PHKG2: variants seen among roughly 807,000 people sequenced by gnomAD.
PHKG2 encodes the protein phosphorylase kinase catalytic subunit gamma 2.
Under a neutral mutation model 44.5 loss-of-function variants are expected in PHKG2, and 28 were observed. The ratio of observed to expected loss-of-function variants is 0.63; its 90% CI spans 0.47 to 0.86. The LOEUF (loss-of-function observed/expected upper bound fraction) is 0.86, where lower values mean the gene tolerates loss of function less well. PHKG2 is among the 40% of genes least tolerant of loss of function. PHKG2 has a pLI of 0.00. For missense variants in PHKG2, 498 were observed against 547.5 expected, an observed-to-expected ratio of 0.91 and a Z score of 0.90; for synonymous variants, 220 against 211.2, an observed-to-expected ratio of 1.04 and a Z score of -0.36.
At chr16:30,753,650 C>T in intron 6 of PHKG2, 93 bp downstream of exon 6, 3 of 1,277,904 alleles carry the variant, frequency 2.3e-6, no homozygotes, top group South Asian at 1.3e-5. Flanking sequence ...TCCCTGGTGC[C>T]AAGAAAAAGG....
rs566701017 is a variant in PHKG2, at chr16:30,755,827, A to C, written c.557-355A>C. 5.3e-5 allele frequency among the ~76,000 whole-genome samples: 8 copies of C among 152,300 alleles called. No individual in the cohort carries two copies. The East Asian group carries it at 1.2e-3, about 22-fold the overall frequency. Reference sequence around the variant, plus strand: ...TATTATGATGTATGTAAAAATACATAATCTTTCCATATGCATTATGATATA... The same window carrying C: ...TATTATGATGTATGTAAAAATACATCATCTTTCCATATGCATTATGATATA... On this transcript the variant is annotated intron_variant, in intron 6 of 9. Transcript: ENST00000563588.
At position 30,748,903 on chromosome 16, in the gene PHKG2, A is replaced by T. The variant is rs777228104; in HGVS notation, c.83A>T (p.Asp28Val). 163 of 1,553,076 alleles carry T rather than the reference A, an allele frequency of 1.0e-4. No homozygotes were observed. The highest frequency in any genetic ancestry group is 1.4e-4 in the Non-Finnish European group (158 of 1,147,746). The change falls in exon 2 of 10, where the codon GAC (aspartate) becomes GTC (valine). Residue 28 changes from aspartate to valine, a missense_variant. Transcript: ENST00000563588. ...TTTTACCAGAAGTACGACCCTAAGG[A>T]CGTCATCGGCAGGTAAGGCCGCGGC... is the stretch of plus-strand genomic sequence containing the variant. The part of the protein sequence containing the change: ...KEFYQKYDPK[D>V]VIGRGVSSVV...
intron 2 of PHKG2, among the ~76,000 whole-genome samples, chr16:30,749,941 G>A (rs2053323101): frequency 6.6e-6 from 1 of 151,806 alleles, no homozygotes; most frequent in Admixed American, 6.6e-5. Context: ...TTTGGGCTGG[G>A]TCTTGAGGTA....
Position 30,760,978 on chromosome 16 carries a change from G to T in PHKG2, c.*3881G>T, listed in dbSNP as rs1316090255. 1.1e-5 allele frequency: 7 copies of T among 618,558 alleles called. No individual in the cohort carries two copies. The highest frequency in any genetic ancestry group is 4.3e-4 in the Middle Eastern group (1 of 2,322). 38.3% of individuals were successfully genotyped at this position (618,558 alleles called of 1,614,324 possible). On this transcript the variant is annotated 3_prime_UTR_variant, in exon 10 of 10. Transcript: ENST00000563588. ...CTGTACAATACTCCTTAGCGGCCAT[G>T]AGACTCCATTTACATTCTGTCTTTG...
chr16:30,753,555 G>C lies in PHKG2; in HGVS notation c.554G>C (p.Arg185Pro). 6.2e-7 allele frequency: 1 copy of C among 1,614,070 alleles called. No homozygotes were observed. Among genetic ancestry groups the C allele is most frequent in the Non-Finnish European group, 8.5e-7 (1 of 1,179,928 alleles). The change falls in exon 6 of 10, where the codon CGA becomes CCA. Residue 185 changes from arginine (R) to proline (P), a missense_variant and splice_region_variant. Transcript: ENST00000563588. The part of the protein sequence containing the change: ...SCHLEPGEKL[R>P]ELCGTPGYLA... ...CACTTGGAACCTGGCGAGAAGCTTC[G>C]AGGTGAGGGGATCTAGTGCCCTAAT...
chr16:30,759,113 A>C lies in PHKG2; in HGVS notation c.*2016A>C. The C allele has an allele frequency of 6.2e-7, 1 of 1,614,128 alleles. No homozygotes were observed. Among genetic ancestry groups the C allele is most frequent in the African/African-American group, 1.3e-5 (1 of 75,028 alleles). On this transcript the variant is annotated 3_prime_UTR_variant, in exon 10 of 10. Transcript: ENST00000563588. ...GCTTTCTTCTTTCTCTGCAAACCAG[A>C]AGCAGGAAGAGACTGTGGCCCCAGG...
At position 30,756,888 on chromosome 16, in the gene PHKG2, A is replaced by G. The variant is rs561316398; in HGVS notation, c.1012A>G (p.Arg338Gly). Residue 338 changes from arginine (R) to glycine (G), a missense_variant, in exon 10 of 10, where the codon AGG (arginine) becomes GGG (glycine). Physicochemically the swap from Arg to Gly is moderately radical, Grantham distance 125. Transcript: ENST00000563588. ...GCCACTGACCAAGAATGCACTGTTG[A>G]GGGACCCTTATGCGCTGCGGTCAGT... is the stretch of plus-strand genomic sequence containing the variant. ...VRPLTKNALLRDPYALRSVRH... is the reference protein window; with the variant it reads ...VRPLTKNALLGDPYALRSVRH... 3.1e-6 allele frequency: 5 copies of G among 1,614,150 alleles called. No homozygotes were observed. The highest frequency in any genetic ancestry group is 4.2e-6 in the Non-Finnish European group (5 of 1,180,036).
In PHKG2 at chr16:30,757,297, G is replaced by T; in HGVS notation, c.*200G>T. On this transcript the variant is annotated 3_prime_UTR_variant, in exon 10 of 10. Coordinates refer to ENST00000563588, the MANE Select transcript of PHKG2 (RefSeq NM_000294.3). ...GGGGTGGAAGGGAGCCATTCTGAACGCCACGCCTGGCCCGGTCAGTGCTGC... is the reference window on the plus strand; with the variant it reads ...GGGGTGGAAGGGAGCCATTCTGAACTCCACGCCTGGCCCGGTCAGTGCTGC... 1 of 1,535,744 alleles carries T rather than the reference G, an allele frequency of 6.5e-7. No homozygotes were observed. The highest frequency in any genetic ancestry group is 8.7e-7 in the Non-Finnish European group (1 of 1,149,380).
rs1339060448 is a variant in PHKG2, at chr16:30,759,562, A to T, written c.*2465A>T. On this transcript the variant is annotated 3_prime_UTR_variant, in exon 10 of 10. Coordinates refer to ENST00000563588, the MANE Select transcript of PHKG2 (RefSeq NM_000294.3). ...GCAAGGAGAGCCCACTGGGGTCTTC[A>T]CAAGAAGATAAGGGTGATGAATGTG... is the stretch of plus-strand genomic sequence containing the variant. 1.9e-6 allele frequency: 3 copies of T among 1,614,122 alleles called. No individual in the cohort carries two copies. The highest frequency in any genetic ancestry group is 1.7e-6 in the Non-Finnish European group (2 of 1,180,000).
Position 30,751,143 on chromosome 16 carries a change from G to C in PHKG2, c.133G>C (p.Ala45Pro). Residue 45 changes from alanine to proline, a missense_variant, in exon 3 of 10, where the codon GCT becomes CCT. By Grantham distance (27) the Ala-to-Pro change is conservative. Transcript: ENST00000563588. The stretch of plus-strand genomic sequence containing the variant: ...TGTGGTCCGCCGTTGTGTTCATCGA[G>C]CTACTGGCCACGAGTTTGCGGTGAA... Reference protein sequence around the residue: ...SSVVRRCVHRATGHEFAVKIM... With the variant: ...SSVVRRCVHRPTGHEFAVKIM... 6.2e-7 allele frequency: 1 copy of C among 1,613,984 alleles called. No individual in the cohort carries two copies. The highest frequency in any genetic ancestry group is 8.5e-7 in the Non-Finnish European group (1 of 1,180,048).
chr16:30,751,814 C>A (rs1398590223), intron 4 of PHKG2: 1 of 634,316 alleles, frequency 1.6e-6, no homozygotes, highest in Non-Finnish European at 2.9e-6. Flanking sequence ...TGACTAGTGG[C>A]TGGGTGCAGT....
chr16:30,755,050 A>G, intron 6 of PHKG2: 1 of 389,628 alleles, frequency 2.6e-6, no homozygotes, highest in Non-Finnish European at 5.3e-6. Flanking sequence ...AAGTACTGGA[A>G]GAATTGGTGC....
Position 30,761,055 on chromosome 16 carries a change from C to T in PHKG2, c.*3958C>T. 1.0e-6 allele frequency: 1 copy of T among 954,704 alleles called. No individual in the cohort carries two copies. The highest frequency in any genetic ancestry group is 2.6e-5 in the East Asian group (1 of 38,158). 59.1% of individuals were successfully genotyped at this position (954,704 alleles called of 1,614,324 possible). On this transcript the variant is annotated 3_prime_UTR_variant, in exon 10 of 10. Coordinates refer to ENST00000563588, the MANE Select transcript of PHKG2 (RefSeq NM_000294.3). ...CTTTGGACTGGAGAGGCTGGAAAGCCAACTTCCAGTCACCTGGAGTAATTG... is the reference window on the plus strand; with the variant it reads ...CTTTGGACTGGAGAGGCTGGAAAGCTAACTTCCAGTCACCTGGAGTAATTG...
In PHKG2 at chr16:30,759,694, T is replaced by TA. The variant is rs1567269843; in HGVS notation, c.*2598dup. The stretch of plus-strand genomic sequence containing the variant: ...AAAAAGGACACTGGTGAAGTAGCGG[T>TA]AGCACTCCTCCACGTTGCCCAAGGG... On this transcript the variant is annotated 3_prime_UTR_variant, in exon 10 of 10. Transcript: ENST00000563588. 6.2e-7 allele frequency: 1 copy of TA among 1,613,654 alleles called. No homozygotes were observed. The highest frequency in any genetic ancestry group is 8.5e-7 in the Non-Finnish European group (1 of 1,179,830).
chr16:30,752,115 A>C (rs997301707), intron 4 of PHKG2, among the ~76,000 whole-genome samples: 9 of 137,146 alleles, frequency 6.6e-5, no homozygotes, highest in African/African-American at 2.5e-4. Context: ...AATAGTGACC[A>C]GCCAGACGTG....
rs200334105 is a variant in PHKG2 at position 30,757,562 on chromosome 16, T to C, written c.*465T>C. 11 of 1,614,148 alleles carry C rather than the reference T, an allele frequency of 6.8e-6. No homozygotes were observed. The highest frequency in any genetic ancestry group is 7.6e-6 in the Non-Finnish European group (9 of 1,180,044). ...AACTTGCTGCTGAGCCTTTCCTCGC[T>C]GGCCTTGAGCCGCTCCTCCACCAGC... On this transcript the variant is annotated 3_prime_UTR_variant, in exon 10 of 10. Coordinates refer to ENST00000563588, the MANE Select transcript of PHKG2 (RefSeq NM_000294.3).
intron 4 of PHKG2, among the ~76,000 whole-genome samples, chr16:30,752,153 T>C (rs1021799029): frequency 2.0e-5 from 2 of 100,898 alleles, no homozygotes; most frequent in African/African-American, 3.8e-5. Flanking sequence ...TCCCAGCATT[T>C]TGGGAGGCTG....
chr16:30,758,700 C>T lies in PHKG2; in HGVS notation c.*1603C>T, dbSNP rs1306197919. The T allele has an allele frequency of 9.1e-5, 33 of 361,262 alleles. No individual in the cohort carries two copies. The highest frequency in any genetic ancestry group is 1.2e-4 in the Non-Finnish European group (23 of 191,844). The allele number at this position is 361,262 out of a possible 1,614,324, so 22.4% of individuals were successfully genotyped here. ...CCTCCTGAGTAGCTGGGACTACAAG[C>T]GCGCACCACCATGCCTGGCTATTTT... On this transcript the variant is annotated 3_prime_UTR_variant, in exon 10 of 10. Transcript: ENST00000563588.
In PHKG2 at chr16:30,759,640, C is replaced by G; in HGVS notation, c.*2543C>G. The G allele has an allele frequency of 2.5e-6, 4 of 1,614,034 alleles. No individual in the cohort carries two copies. Among genetic ancestry groups the G allele is most frequent in the Non-Finnish European group, 3.4e-6 (4 of 1,180,034 alleles). ...GGATGGGTAAAGTTTCCAGAATGTT[C>G]CAGGGGAACTGACCCTGACTCCATG... On this transcript the variant is annotated 3_prime_UTR_variant, in exon 10 of 10. Coordinates refer to ENST00000563588, the MANE Select transcript of PHKG2 (RefSeq NM_000294.3).
Sources: allele counts gnomAD v4.1 joint callset (sites outside exome capture counted in the v4.1 genomes callset), GRCh38; gene constraint gnomAD v4.1.1; transcripts MANE v1.5; gene names NCBI Gene and HGNC (gene_info 2026-07-23, HGNC 2026-07-21).